ANKK1: variants seen among roughly 807,000 people sequenced by gnomAD.
The protein encoded by ANKK1 is ankyrin repeat and protein kinase domain-containing protein 1.
A neutral mutation model predicts 37.6 loss-of-function variants in ANKK1; 37 were observed. The observed-to-expected ratio is 0.98, with a 90% CI of 0.76 to 1.29. The LOEUF (loss-of-function observed/expected upper bound fraction) is 1.29, where lower values mean the gene tolerates loss of function less well. Among genes scored for constraint, ANKK1 ranks in the 50% most tolerant of loss-of-function variants. The pLI, the probability that ANKK1 is intolerant of heterozygous loss-of-function variation, is 0.00. For missense variants in ANKK1, 1,019 were observed against 990.6 expected, an observed-to-expected ratio of 1.03 and a Z score of -0.39; for synonymous variants, 415 against 418.7, an observed-to-expected ratio of 0.99 and a Z score of 0.11.
chr11:113,388,559 G>C (rs1950564715), intron 1 of ANKK1, among the ~76,000 whole-genome samples: 1 of 152,178 alleles, frequency 6.6e-6, no homozygotes, highest in South Asian at 2.1e-4. Flanking sequence ...GGAGGGAGGA[G>C]GCCCCTCCCA....
Position 113,394,945 on chromosome 11 carries a change from T to C in ANKK1, c.497T>C (p.Leu166Pro). The C allele has an allele frequency of 1.9e-6, 3 of 1,609,806 alleles. No individual in the cohort carries two copies. Among genetic ancestry groups the C allele is most frequent in the Non-Finnish European group, 2.5e-6 (3 of 1,176,952 alleles). The change falls in exon 3 of 8, where the codon CTG (leucine) becomes CCG (proline). Residue 166 changes from leucine (L) to proline (P), a missense_variant. By Grantham distance (98) the Leu-to-Pro change is moderately conservative. Coordinates refer to ENST00000303941, the MANE Select transcript of ANKK1 (RefSeq NM_178510.2). ...NMHVKISDFG[L>P]SKWMEQSTRM... ...TTCTCCCAGATTTCAGACTTCGGCCTGTCCAAGTGGATGGAACAGTCCACC... is the reference window on the plus strand; with the variant it reads ...TTCTCCCAGATTTCAGACTTCGGCCCGTCCAAGTGGATGGAACAGTCCACC...
Position 113,393,217 on chromosome 11 carries a change from C to CT in ANKK1, c.186-258dup, listed in dbSNP as rs1461646306. Among the ~76,000 whole-genome samples the CT allele has an allele frequency of 2.0e-5, 3 of 152,124 alleles. No homozygotes were observed. The East Asian group carries it at 5.8e-4, about 29-fold the overall frequency. On this transcript the variant is annotated intron_variant, in intron 1 of 7. Coordinates refer to ENST00000303941, the MANE Select transcript of ANKK1 (RefSeq NM_178510.2). ...AATAAAGGGCAAACTGTGATACCTG[C>CT]TTTTTTGTGGCCACCTTTGCAGAAT... is the stretch of plus-strand genomic sequence containing the variant.
chr11:113,392,084 G>T (rs369034375), intron 1 of ANKK1, among the ~76,000 whole-genome samples: 114 of 152,306 alleles, frequency 7.5e-4, no homozygotes, highest in African/African-American at 2.4e-3. Flanking sequence ...TGATGAAGAG[G>T]AGAGACAGCA....
chr11:113,397,852 C>A, intron 6 of ANKK1, 128 bp from the exon 7 acceptor site: 1 of 1,054,914 alleles, frequency 9.5e-7, no homozygotes, highest in Non-Finnish European at 1.4e-6. Flanking sequence ...TAAAGGTTTC[C>A]CAGGATAGGG....
intron 1 of ANKK1, among the ~76,000 whole-genome samples, chr11:113,389,858 G>A (rs373688269): frequency 1.3e-5 from 2 of 152,238 alleles, no homozygotes; most frequent in Admixed American, 1.3e-4. Flanking sequence ...CAACCAGGTA[G>A]CGGTGGTGAC....
intron 1 of ANKK1, among the ~76,000 whole-genome samples, chr11:113,388,445 C>T (rs1483038290): frequency 6.6e-6 from 1 of 152,194 alleles, no homozygotes. Flanking sequence ...TCTCTGCCAT[C>T]CTCCTACCCA....
In ANKK1 at chr11:113,396,194, G is replaced by C; in HGVS notation, c.810G>C (p.Gln270His). Reference sequence around the variant, plus strand: ...ACCTGATGAAACGCTGCTGGGACCAGGACCCCAAGAAGAGGCCATGCTTTC... The same window carrying C: ...ACCTGATGAAACGCTGCTGGGACCACGACCCCAAGAAGAGGCCATGCTTTC... ...MVDLMKRCWD[Q>H]DPKKRPCFLD... The change falls in exon 5 of 8, where the codon CAG (glutamine) becomes CAC (histidine). Residue 270 changes from glutamine to histidine, a missense_variant. Gln to His is a conservative substitution (Grantham distance 24, BLOSUM62 0). Coordinates refer to ENST00000303941, the MANE Select transcript of ANKK1 (RefSeq NM_178510.2). The C allele has an allele frequency of 6.2e-7, 1 of 1,614,006 alleles. No individual in the cohort carries two copies. Among genetic ancestry groups the C allele is most frequent in the South Asian group, 1.1e-5 (1 of 91,078 alleles).
chr11:113,396,484 C>A (rs1950640381), intron 5 of ANKK1, among the ~76,000 whole-genome samples: 1 of 151,948 alleles, frequency 6.6e-6, no homozygotes, highest in African/African-American at 2.4e-5. Context: ...GAACAACAAG[C>A]ACACCACCAT....
At position 113,396,138 on chromosome 11, in the gene ANKK1, C is replaced by A. The variant is rs1950636803; in HGVS notation, c.754C>A (p.Gln252Lys). The A allele has an allele frequency of 6.2e-7, 1 of 1,613,954 alleles. No homozygotes were observed. The highest frequency in any genetic ancestry group is 8.5e-7 in the Non-Finnish European group (1 of 1,179,880). ...MRPSLQPVSDQWPSEAQQMVD... is the reference protein window; with the variant it reads ...MRPSLQPVSDKWPSEAQQMVD... ...GCCCTCCCTACAGCCTGTCTCTGAC[C>A]AATGGCCAAGCGAGGCCCAGCAGAT... Residue 252 changes from glutamine (Q) to lysine (K), a missense_variant, in exon 5 of 8, where the codon CAA becomes AAA. Coordinates refer to ENST00000303941, the MANE Select transcript of ANKK1 (RefSeq NM_178510.2).
In ANKK1 at chr11:113,397,976, C is replaced by T. The variant is rs914944039; in HGVS notation, c.958-4C>T. 6.4e-7 allele frequency: 1 copy of T among 1,559,636 alleles called. No homozygotes were observed. The highest frequency in any genetic ancestry group is 1.9e-5 in the Admixed American group (1 of 52,130). On this transcript the variant is annotated splice_region_variant and splice_polypyrimidine_tract_variant and intron_variant, in intron 6 of 7. Coordinates refer to ENST00000303941, the MANE Select transcript of ANKK1 (RefSeq NM_178510.2). ...CACCCTGCCTGCTGGTTATGCCTCCCCAGGTTAATGAGGACATCAGCCAGG... is the reference window on the plus strand; with the variant it reads ...CACCCTGCCTGCTGGTTATGCCTCCTCAGGTTAATGAGGACATCAGCCAGG...
In ANKK1 at chr11:113,399,264, T is replaced by C. The variant is rs1408574254; in HGVS notation, c.1295T>C (p.Leu432Pro). The change falls in exon 8 of 8, where the codon CTG becomes CCG. Residue 432 changes from leucine (L) to proline (P), a missense_variant. By Grantham distance (98) the Leu-to-Pro change is moderately conservative. Coordinates refer to ENST00000303941, the MANE Select transcript of ANKK1 (RefSeq NM_178510.2). ...GTGGATGAGGATGGCTGGGCCCCAC[T>C]GCACTTTGCAGCCCAGAATGGGGAT... ...NRVDEDGWAP[L>P]HFAAQNGDDG... 6.2e-7 allele frequency: 1 copy of C among 1,606,740 alleles called. No homozygotes were observed. The highest frequency in any genetic ancestry group is 2.2e-5 in the East Asian group (1 of 44,626).
intron 1 of ANKK1, among the ~76,000 whole-genome samples, chr11:113,390,078 A>G (rs998891659): frequency 6.6e-6 from 1 of 152,308 alleles, no homozygotes; most frequent in East Asian, 1.9e-4. Flanking sequence ...TGGATTAGTC[A>G]TGGGGAGGAT....
chr11:113,397,353 G>A lies in ANKK1; in HGVS notation c.957+11G>A, dbSNP rs1218684738. On this transcript the variant is annotated intron_variant, in intron 6 of 7. Coordinates refer to ENST00000303941, the MANE Select transcript of ANKK1 (RefSeq NM_178510.2). ...CGCCAGCCCGGGGAGGTGAGTGTGT[G>A]GGCTGGGCAGTCCTTATGGTCATGC... 1 of 1,604,532 alleles carries A rather than the reference G, an allele frequency of 6.2e-7. No homozygotes were observed. The highest frequency in any genetic ancestry group is 1.7e-5 in the Admixed American group (1 of 59,896).
Position 113,399,368 on chromosome 11 carries a change from C to G in ANKK1, c.1399C>G (p.Leu467Val). The G allele has an allele frequency of 6.2e-7, 1 of 1,601,298 alleles. No homozygotes were observed. Among genetic ancestry groups the G allele is most frequent in the Non-Finnish European group, 8.5e-7 (1 of 1,174,302 alleles). The part of the protein sequence containing the change: ...QEREGWTPLH[L>V]AAQNNFENVA... ...ACGTGAAGGGTGGACCCCTCTTCAC[C>G]TGGCTGCACAGAATAACTTTGAGAA... The change falls in exon 8 of 8, where the codon CTG (leucine) becomes GTG (valine). Residue 467 changes from leucine (L) to valine (V), a missense_variant. Transcript: ENST00000303941.
At chr11:113,398,116 C>A in intron 7 of ANKK1, 100 bp downstream of exon 7, 1 of 1,373,478 alleles carries the variant, frequency 7.3e-7, no homozygotes, top group South Asian at 1.2e-5. Flanking sequence ...CCCTCATCCC[C>A]AGGCCTATCA....
chr11:113,388,682 C>G (rs1419739543), intron 1 of ANKK1, among the ~76,000 whole-genome samples: 1 of 152,236 alleles, frequency 6.6e-6, no homozygotes, highest in Non-Finnish European at 1.5e-5. Context: ...GTTTTTGTCC[C>G]TTGCTGTCAT....
At chr11:113,394,666 A>T (rs1334122434) in intron 2 of ANKK1, 1 of 609,872 alleles carries the variant, frequency 1.6e-6, no homozygotes, top group Admixed American at 2.1e-5. Flanking sequence ...TTTGCATGGC[A>T]CCTCATTTAG....
chr11:113,392,075 G>A, intron 1 of ANKK1, among the ~76,000 whole-genome samples: 1 of 152,216 alleles, frequency 6.6e-6, no homozygotes. Flanking sequence ...GCAGCAAGAT[G>A]ATGAAGAGGA....
intron 1 of ANKK1, among the ~76,000 whole-genome samples, chr11:113,392,439 C>G (rs1003551738): frequency 6.6e-6 from 1 of 152,208 alleles, no homozygotes; most frequent in Admixed American, 6.5e-5. Context: ...CCAGGAAGAG[C>G]ATGTGGTTTT....
Sources: gnomAD v4.1 joint callset for allele counts (sites outside exome capture counted in the v4.1 genomes callset) on GRCh38, gnomAD v4.1.1 for gene constraint, MANE v1.5 for transcripts, NCBI Gene and HGNC (gene_info 2026-07-23, HGNC 2026-07-21) for gene names.